Variants in RALGPS2 observed in about 807,000 individuals in gnomAD.
RALGPS2 encodes ras-specific guanine nucleotide-releasing factor RalGPS2.
In RALGPS2, 43 loss-of-function variants were observed where a neutral mutation model predicts 86.8. That is an observed-to-expected ratio of 0.50 (90% CI 0.39 to 0.64). The LOEUF is 0.64. Ranked by LOEUF, RALGPS2 falls within the 30% of genes least tolerant of loss-of-function variation. RALGPS2 has a pLI of 0.00. For missense variants in RALGPS2, 536 were observed against 694.6 expected (o/e 0.77, Z 2.57); for synonymous variants, 243 against 231.3 (o/e 1.05, Z -0.46).
At position 178,906,839 on chromosome 1, in the gene RALGPS2, G is replaced by A. The variant is rs1311444928; in HGVS notation, c.1694G>A (p.Ser565Asn). Residue 565 changes from serine to asparagine, a missense_variant, in exon 19 of 20, where the codon AGT becomes AAT. Physicochemically the swap from Ser to Asn is conservative, Grantham distance 46. This residue lies in a region of RALGPS2 where 309 missense variants were observed against 363.0 expected (regional missense o/e 0.85). Transcript: ENST00000367635. ...GCAATGTTATGGTTTAAGCATTTGAGTGCAGCCTGCCAAAGTAACAAACAA... is the reference window on the plus strand; with the variant it reads ...GCAATGTTATGGTTTAAGCATTTGAATGCAGCCTGCCAAAGTAACAAACAA... ...MNAMLWFKHL[S>N]AACQSNKQQV... 2 of 1,613,216 alleles carry A rather than the reference G, an allele frequency of 1.2e-6. No individual in the cohort carries two copies. The highest frequency in any genetic ancestry group is 1.7e-6 in the Non-Finnish European group (2 of 1,179,664).
intron 8 of RALGPS2, among the ~76,000 whole-genome samples, chr1:178,873,060 G>C (rs1015888118): frequency 2.6e-5 from 4 of 152,124 alleles, no homozygotes. Context: ...AGATACGAAA[G>C]TTCAAGGTAG....
chr1:178,775,473 G>A (rs1274427095), intron 1 of RALGPS2, among the ~76,000 whole-genome samples: 1 of 152,072 alleles, frequency 6.6e-6, no homozygotes, highest in African/African-American at 2.4e-5. Context: ...AAGTTGAAAA[G>A]GGATCTTAAA....
At chr1:178,725,548 C>A (rs921494178) in intron 1 of RALGPS2, 129 bp downstream of exon 1, 2 of 152,174 alleles carry the variant, frequency 1.3e-5, no homozygotes, top group Admixed American at 6.6e-5. Flanking sequence ...GGCCGCGGGC[C>A]CCGGGGCTGC....
At chr1:178,826,087 G>C (rs549558339) in intron 7 of RALGPS2, among the ~76,000 whole-genome samples, 1 of 152,254 alleles carries the variant, frequency 6.6e-6, no homozygotes, top group African/African-American at 2.4e-5. Flanking sequence ...GGATACAGTT[G>C]GAAAGGTTTG....
At chr1:178,871,208 G>C (rs992876415) in intron 8 of RALGPS2, among the ~76,000 whole-genome samples, 4 of 152,052 alleles carry the variant, frequency 2.6e-5, no homozygotes, top group African/African-American at 9.7e-5. Flanking sequence ...AAATAGGGGG[G>C]TGGGATCAGC....
chr1:178,799,684 C>G (rs1158819935), intron 4 of RALGPS2, among the ~76,000 whole-genome samples: 2 of 152,144 alleles, frequency 1.3e-5, no homozygotes, highest in Admixed American at 6.5e-5. Context: ...TCGTAAAGTT[C>G]TTTTGATTCT....
intron 8 of RALGPS2, among the ~76,000 whole-genome samples, chr1:178,875,704 C>T (rs932757123): frequency 6.6e-6 from 1 of 151,762 alleles, no homozygotes; most frequent in African/African-American, 2.4e-5. Context: ...GCCGAGATCG[C>T]ACCACTGCAT....
At chr1:178,837,432 C>T (rs1470405781) in intron 8 of RALGPS2, among the ~76,000 whole-genome samples, 3 of 152,154 alleles carry the variant, frequency 2.0e-5, no homozygotes, top group Admixed American at 1.3e-4. Context: ...ACTGCGGTAC[C>T]ACACTACAGC....
At chr1:178,858,639 A>G (rs1572412878) in intron 8 of RALGPS2, among the ~76,000 whole-genome samples, 2 of 152,342 alleles carry the variant, frequency 1.3e-5, no homozygotes, top group Admixed American at 1.3e-4. Context: ...TGTGAGGATT[A>G]AAGTTTACAT....
intron 8 of RALGPS2, chr1:178,865,340 TC>T (rs1658327906): frequency 6.2e-7 from 1 of 1,613,982 alleles, no homozygotes; most frequent in Non-Finnish European, 8.5e-7. Flanking sequence ...AAGTGAATTA[TC>T]CCTCTTACGG....
At chr1:178,780,578 T>C (rs563245229) in intron 2 of RALGPS2, among the ~76,000 whole-genome samples, 8 of 152,146 alleles carry the variant, frequency 5.3e-5, no homozygotes, top group Non-Finnish European at 1.2e-4. Context: ...GGCCCCAAAT[T>C]TTTGGATTTA....
intron 1 of RALGPS2, among the ~76,000 whole-genome samples, chr1:178,727,303 G>T (rs1015104572): frequency 6.6e-6 from 1 of 151,794 alleles, no homozygotes; most frequent in African/African-American, 2.4e-5. Flanking sequence ...GAGCTCAAGC[G>T]ATCCTCCCGT....
chr1:178,736,181 T>TTTTTTTTTTTTTTTTTTTTC (rs1553257806), intron 1 of RALGPS2, among the ~76,000 whole-genome samples: 1 of 148,432 alleles, frequency 6.7e-6, no homozygotes. Flanking sequence ...TTTTTTTTTT[T>TTTTTTTTTTTTTTTTTTTTC]CTGAGACAGA....
chr1:178,885,817 A>T lies in RALGPS2; in HGVS notation c.1041-152A>T, dbSNP rs1054938282. On this transcript the variant is annotated intron_variant, in intron 12 of 19. Transcript: ENST00000367635. ...GATAGATAGGGCCAGGTTTCCTAAA[A>T]CATTTTCCCTAAACTGTTCATTTGA... The T allele has an allele frequency of 1.6e-5, 10 of 607,982 alleles. No homozygotes were observed. The African/African-American group carries it at 1.8e-4, about 11-fold the overall frequency. The allele number at this position is 607,982 out of a possible 1,614,324, so 37.7% of individuals were successfully genotyped here.
At chr1:178,812,865 G>A (rs1655049133) in intron 6 of RALGPS2, among the ~76,000 whole-genome samples, 1 of 150,744 alleles carries the variant, frequency 6.6e-6, no homozygotes, top group Non-Finnish European at 1.5e-5. Flanking sequence ...CTACAAATTT[G>A]ATATTTTGCA....
chr1:178,818,342 A>G (rs902175962), intron 6 of RALGPS2, among the ~76,000 whole-genome samples: 16 of 152,230 alleles, frequency 1.1e-4, no homozygotes, highest in African/African-American at 3.6e-4. Context: ...CCTGGGTAAC[A>G]GAGCGAGACC....
chr1:178,840,508 A>T (rs1402163814), intron 8 of RALGPS2, among the ~76,000 whole-genome samples: 1 of 152,220 alleles, frequency 6.6e-6, no homozygotes, highest in African/African-American at 2.4e-5. Flanking sequence ...AGCAGTGTGT[A>T]GAGGGAAATT....
intron 8 of RALGPS2, among the ~76,000 whole-genome samples, chr1:178,839,083 A>G (rs1656442010): frequency 6.6e-6 from 1 of 152,194 alleles, no homozygotes; most frequent in Non-Finnish European, 1.5e-5. Context: ...GTTGGAAAAC[A>G]CTCTGCAGGA....
intron 8 of RALGPS2, chr1:178,852,694 T>C: frequency 1.2e-6 from 2 of 1,612,702 alleles, no homozygotes; most frequent in South Asian, 1.1e-5. Flanking sequence ...TGCATACATA[T>C]CTTTATCTCT....
Sources: gnomAD v4.1 joint callset for allele counts (sites outside exome capture counted in the v4.1 genomes callset) on GRCh38, gnomAD v4.1.1 for gene constraint, gnomAD v4.1.1 regional missense constraint, MANE v1.5 for transcripts, NCBI Gene and HGNC (gene_info 2026-07-23, HGNC 2026-07-21) for gene names.